The following ACOT11 variants were observed in gnomAD, a reference collection of about 807,000 sequenced individuals.
ACOT11 encodes the protein acyl-coenzyme A thioesterase 11.
A neutral mutation model predicts 77.5 loss-of-function variants in ACOT11; 69 were observed. The observed-to-expected ratio is 0.89, with a 90% CI of 0.73 to 1.09. ACOT11 has a LOEUF of 1.09. Ranked by LOEUF, ACOT11 falls within the 50% of genes least tolerant of loss-of-function variation. The pLI, the probability that ACOT11 is intolerant of heterozygous loss-of-function variation, is 0.00. For missense variants in ACOT11, 766 were observed against 813.7 expected, an observed-to-expected ratio of 0.94 and a Z score of 0.71; for synonymous variants, 279 against 313.0, an observed-to-expected ratio of 0.89 and a Z score of 1.15.
downstream of ACOT11, chr1:54,612,703 C>T (rs201887755): frequency 1.9e-6 from 3 of 1,613,020 alleles, no homozygotes; most frequent in Non-Finnish European, 2.5e-6. Flanking sequence ...TGGACCAGGG[C>T]CAGGAACCTG....
At chr1:54,601,141 G>T in intron 8 of ACOT11, 128 bp from the exon 9 acceptor site, 1 of 556,304 alleles carries the variant, frequency 1.8e-6, no homozygotes, top group African/African-American at 3.7e-5. Flanking sequence ...GTGTGCATAC[G>T]TGTGTGTGTG....
exon 17 of ACOT11, chr1:54,635,080 A>T: frequency 3.1e-6 from 1 of 318,004 alleles, no homozygotes. Context: ...TACCATAATA[A>T]ATCGGCTCCT....
chr1:54,582,400 C>A (rs1654341593), intron 1 of ACOT11: 2 of 981,398 alleles, frequency 2.0e-6, no homozygotes, highest in Non-Finnish European at 2.4e-6. Context: ...CCCCTCTAGG[C>A]CCAATTTGTC....
In ACOT11 at chr1:54,602,733, G is replaced by T; in HGVS notation, c.1085+9G>T. 6.5e-7 allele frequency: 1 copy of T among 1,534,176 alleles called. No individual in the cohort carries two copies. The highest frequency in any genetic ancestry group is 8.8e-7 in the Non-Finnish European group (1 of 1,141,452). ...AAGATCCGCCTGGACAGGTGAGTAGGGGCTGAGTGGTGGGCAGAATGTGGA... is the reference window on the plus strand; with the variant it reads ...AAGATCCGCCTGGACAGGTGAGTAGTGGCTGAGTGGTGGGCAGAATGTGGA... On this transcript the variant is annotated intron_variant, in intron 10 of 15. Coordinates refer to ENST00000343744, the MANE Select transcript of ACOT11 (RefSeq NM_147161.4).
intron 1 of ACOT11, among the ~76,000 whole-genome samples, chr1:54,581,530 T>C (rs1654306588): frequency 6.6e-6 from 1 of 152,134 alleles, no homozygotes; most frequent in Non-Finnish European, 1.5e-5. Flanking sequence ...TGACTCTGGC[T>C]CAGGAGGAGG....
At chr1:54,579,916 A>G (rs74644057) in intron 1 of ACOT11, among the ~76,000 whole-genome samples, 1,698 of 152,318 alleles carry the variant, frequency 0.011, 25 homozygotes, top group Non-Finnish European at 0.017. Flanking sequence ...CACTGTGGAA[A>G]CAGTCCACTT....
chr1:54,548,235 G>A lies in ACOT11; in HGVS notation c.-75G>A. Reference sequence around the variant, plus strand: ...GAGAGGCCCACAGGCTTCATTTGGAGTCAGGCCTGGCTGTTGCTCAGGTGA... The same window carrying A: ...GAGAGGCCCACAGGCTTCATTTGGAATCAGGCCTGGCTGTTGCTCAGGTGA... On this transcript the variant is annotated 5_prime_UTR_variant, in exon 1 of 16. Coordinates refer to ENST00000343744, the MANE Select transcript of ACOT11 (RefSeq NM_147161.4). The A allele has an allele frequency of 6.5e-7, 1 of 1,547,800 alleles. No individual in the cohort carries two copies. Among genetic ancestry groups the A allele is most frequent in the South Asian group, 1.2e-5 (1 of 84,232 alleles).
At position 54,584,894 on chromosome 1, in the gene ACOT11, G is replaced by GC; in HGVS notation, c.241+36dup. On this transcript the variant is annotated intron_variant, in intron 2 of 15. Transcript: ENST00000343744. The surrounding 1 kb of genome is among the most constrained non-coding windows in gnomAD (Gnocchi z 6.3). ...CTGCGCTCCCCATGGTTCCCTACCT[G>GC]CCCCACAGGCCCAGAGCAGGGGCCG... The GC allele has an allele frequency of 6.3e-7, 1 of 1,585,234 alleles. No homozygotes were observed. Among genetic ancestry groups the GC allele is most frequent in the Non-Finnish European group, 8.6e-7 (1 of 1,164,468 alleles).
At chr1:54,570,234 G>A (rs1245766313) in intron 1 of ACOT11, among the ~76,000 whole-genome samples, 1 of 152,196 alleles carries the variant, frequency 6.6e-6, no homozygotes, top group African/African-American at 2.4e-5. Flanking sequence ...GGCGTCTGCG[G>A]GAGGCTTCGT....
At chr1:54,610,506 A>AGGGATCAGGCTG, downstream of ACOT11, 3 of 1,613,476 alleles carry the variant, frequency 1.9e-6, no homozygotes, top group Non-Finnish European at 2.5e-6. Context: ...GCTGGAGAAG[A>AGGGATCAGGCTG]GGGATCAGGC....
chr1:54,631,631 T>C (rs1015472379), intron 16 of ACOT11, among the ~76,000 whole-genome samples: 3 of 152,178 alleles, frequency 2.0e-5, no homozygotes, highest in African/African-American at 7.2e-5. Flanking sequence ...CAAGTGGTCA[T>C]GCAGGATGAT....
intron 15 of ACOT11, among the ~76,000 whole-genome samples, chr1:54,619,023 G>T (rs1205144819): frequency 6.6e-6 from 1 of 152,102 alleles, no homozygotes; most frequent in Non-Finnish European, 1.5e-5. Flanking sequence ...GCCCTGCTTT[G>T]GTTGATTTGG....
At chr1:54,556,650 T>C (rs1005886110) in intron 1 of ACOT11, among the ~76,000 whole-genome samples, 1 of 152,044 alleles carries the variant, frequency 6.6e-6, no homozygotes, top group Non-Finnish European at 1.5e-5. Context: ...GGCATGATCT[T>C]GGCTCACTGC....
downstream of ACOT11, chr1:54,611,610 C>T: frequency 6.2e-7 from 1 of 1,613,942 alleles, no homozygotes; most frequent in Non-Finnish European, 8.5e-7. Context: ...CCTTACAGGC[C>T]AGCTGCTTGA....
chr1:54,601,183 G>A, intron 8 of ACOT11, 86 bp from the exon 9 acceptor site: 1 of 1,458,510 alleles, frequency 6.9e-7, no homozygotes, highest in Non-Finnish European at 9.3e-7. Flanking sequence ...ATGTGTGCAT[G>A]TGTGTGTGTG....
intron 3 of ACOT11, among the ~76,000 whole-genome samples, chr1:54,590,102 A>AG: frequency 6.6e-6 from 1 of 151,216 alleles, no homozygotes; most frequent in African/African-American, 2.4e-5. Context: ...AAAAAAAAAC[A>AG]AAAAAACCCA....
chr1:54,608,832 T>C, intron 15 of ACOT11, 125 bp from the exon 16 acceptor site: 1 of 921,080 alleles, frequency 1.1e-6, no homozygotes, highest in East Asian at 2.4e-5. Context: ...TTGGGTTGAA[T>C]ATTCTGCCCT....
rs909983615 is a variant in ACOT11, at chr1:54,629,568, G to A, written c.1630-1166G>A. On this transcript the variant is annotated intron_variant, in intron 15 of 16. Transcript: ENST00000371316. ...CCTAAAGGGCTGGGATTACAGGCGC[G>A]AGCCCCCGTGCCCGGCCTGTTTTTT... Among the ~76,000 whole-genome samples the A allele has an allele frequency of 5.3e-5, 7 of 132,488 alleles. 2 individuals carry two copies. The highest frequency in any genetic ancestry group is 4.6e-4 in the Admixed American group (6 of 12,910). 86.9% of individuals were successfully genotyped at this position (132,488 alleles called of 152,430 possible).
At chr1:54,552,004 A>T (rs1434160457) in intron 1 of ACOT11, among the ~76,000 whole-genome samples, 1 of 152,130 alleles carries the variant, frequency 6.6e-6, no homozygotes, top group Non-Finnish European at 1.5e-5. Context: ...ACAACCTCTC[A>T]GCTTCATAAG....
Sources: allele counts gnomAD v4.1 joint callset (sites outside exome capture counted in the v4.1 genomes callset), GRCh38; gene constraint gnomAD v4.1.1; non-coding constraint Gnocchi (gnomAD v3.1); transcripts MANE v1.5; gene names NCBI Gene and HGNC (gene_info 2026-07-23, HGNC 2026-07-21).